CARS1: variants seen among roughly 807,000 people sequenced by gnomAD.
The protein encoded by CARS1 is cysteinyl-tRNA synthetase 1, also known as cysteine--tRNA ligase, cytoplasmic.
In CARS1, 48 loss-of-function variants were observed where a neutral mutation model predicts 106.2. The ratio of observed to expected loss-of-function variants is 0.45; its 90% CI spans 0.36 to 0.57. The LOEUF (loss-of-function observed/expected upper bound fraction) is 0.57. Ranked by LOEUF, CARS1 falls within the 20% of genes least tolerant of loss-of-function variation. The probability of loss-of-function intolerance (pLI) is 0.00; values close to 1 mark genes in which losing one functional copy is unlikely to be tolerated. For synonymous variants in CARS1, 409 were observed against 403.4 expected, an observed-to-expected ratio of 1.01 and a Z score of -0.17; for missense variants, 968 against 1,057.2, an observed-to-expected ratio of 0.92 and a Z score of 1.17.
intron 7 of CARS1, among the ~76,000 whole-genome samples, chr11:3,033,666 A>C (rs749949614): frequency 1.3e-5 from 2 of 152,242 alleles, no homozygotes; most frequent in Admixed American, 1.3e-4. Flanking sequence ...AAACAGAATA[A>C]ATCCAAAGGA....
chr11:3,018,741 A>C lies in CARS1; in HGVS notation c.1404T>G (p.Phe468Leu). Residue 468 changes from phenylalanine (F) to leucine (L), a missense_variant, in exon 13 of 23, where the codon TTT (phenylalanine) becomes TTG (leucine). Physicochemically the swap from Phe to Leu is conservative, Grantham distance 22. Transcript: ENST00000380525. ...AGTACCTGACCCAGCAGTCGTTTTC[A>C]AAGTAGGCCTGCGTGGAAAGAGACA... ...DNELAQSEAYFENDCWVRYFL... is the reference protein window; with the variant it reads ...DNELAQSEAYLENDCWVRYFL... 6.2e-7 allele frequency: 1 copy of C among 1,613,666 alleles called. No individual in the cohort carries two copies. Among genetic ancestry groups the C allele is most frequent in the Non-Finnish European group, 8.5e-7 (1 of 1,179,746 alleles).
At chr11:3,009,620 G>A (rs964359023) in intron 18 of CARS1, 1 of 152,332 alleles carries the variant, frequency 6.6e-6, no homozygotes, top group Admixed American at 6.5e-5. Context: ...CCAGTGCAGA[G>A]GGCCCTGGCC....
At position 3,028,661 on chromosome 11, in the gene CARS1, G is replaced by C; in HGVS notation, c.1031+335C>G. The C allele has an allele frequency of 2.7e-6, 1 of 364,392 alleles. No individual in the cohort carries two copies. The highest frequency in any genetic ancestry group is 4.9e-6 in the Non-Finnish European group (1 of 203,110). The allele number at this position is 364,392 out of a possible 1,614,324, so 22.6% of individuals were successfully genotyped here. A position where few individuals can be genotyped will look rare whatever the true frequency, so the allele number is the denominator to read the frequency against. On this transcript the variant is annotated intron_variant, in intron 9 of 22. Transcript: ENST00000380525. The surrounding 1 kb of genome is among the most constrained non-coding windows in gnomAD (Gnocchi z 4.4). ...ACACCAGGACTAGCACTCTCAAAATGTCTACGCAATGGCACTGATGTCTGT... is the reference window on the plus strand; with the variant it reads ...ACACCAGGACTAGCACTCTCAAAATCTCTACGCAATGGCACTGATGTCTGT...
intron 1 of CARS1, among the ~76,000 whole-genome samples, chr11:3,049,064 T>G (rs2134300017): frequency 6.6e-6 from 1 of 152,310 alleles, no homozygotes; most frequent in Non-Finnish European, 1.5e-5. Context: ...CTGCTCACCC[T>G]CCTTCTCCTC....
At chr11:3,027,292 G>A (rs1388376081) in intron 9 of CARS1, 3 of 154,762 alleles carry the variant, frequency 1.9e-5, no homozygotes, top group Admixed American at 6.4e-5. Flanking sequence ...GAGAAGCAGC[G>A]CTACTGCTTA....
chr11:3,042,011 T>A (rs917780451), intron 3 of CARS1, among the ~76,000 whole-genome samples, 154 bp downstream of exon 3: 1 of 151,960 alleles, frequency 6.6e-6, no homozygotes, highest in Admixed American at 6.6e-5. Context: ...GACTATAACA[T>A]GGAAGTGACT....
chr11:3,009,372 G>C (rs976141786), intron 18 of CARS1: 2 of 152,190 alleles, frequency 1.3e-5, no homozygotes, highest in Admixed American at 1.3e-4. Context: ...ACTCATGTAG[G>C]GTCCCTGGAG....
intron 1 of CARS1, among the ~76,000 whole-genome samples, chr11:3,051,462 G>T (rs542747753): frequency 1.3e-5 from 2 of 152,144 alleles, no homozygotes; most frequent in South Asian, 2.1e-4. Flanking sequence ...CAGGGAGGAC[G>T]GAGGCGGAGG....
chr11:3,054,155 A>G (rs1855960945), intron 1 of CARS1, among the ~76,000 whole-genome samples: 1 of 152,184 alleles, frequency 6.6e-6, no homozygotes, highest in African/African-American at 2.4e-5. Flanking sequence ...CCCACAGGTG[A>G]GGGCTTCCCC....
In CARS1 at chr11:3,022,926, C is replaced by A. The variant is rs1015056601; in HGVS notation, c.1154-2594G>T. ...AGCTAAGGCTACACTCCTTATGACT[C>A]CCCATGGTGGGGGGAGGTTGCGGGG... On this transcript the variant is annotated intron_variant, in intron 10 of 22. Transcript: ENST00000380525. The surrounding 1 kb of genome is among the most constrained non-coding windows in gnomAD (Gnocchi z 4.9). Among the ~76,000 whole-genome samples, 1 of 152,182 alleles carries A rather than the reference C, an allele frequency of 6.6e-6. No homozygotes were observed. The highest frequency in any genetic ancestry group is 2.4e-5 in the African/African-American group (1 of 41,454).
At chr11:3,002,774 G>A (rs1431285067) in intron 20 of CARS1, among the ~76,000 whole-genome samples, 174 bp from the exon 21 acceptor site, 2 of 152,132 alleles carry the variant, frequency 1.3e-5, no homozygotes, top group African/African-American at 2.4e-5. Flanking sequence ...GCAGCACACC[G>A]ACCCTCTTCC....
intron 1 of CARS1, among the ~76,000 whole-genome samples, chr11:3,055,901 G>A (rs534846266): frequency 6.6e-6 from 1 of 152,176 alleles, no homozygotes; most frequent in Non-Finnish European, 1.5e-5. Flanking sequence ...ATGGTTTGCT[G>A]TGGGGCGGGA....
chr11:3,010,632 A>G (rs1850359778), intron 18 of CARS1, among the ~76,000 whole-genome samples: 1 of 152,224 alleles, frequency 6.6e-6, no homozygotes, highest in African/African-American at 2.4e-5. Flanking sequence ...GCAGCCCAGC[A>G]GCCCGGCCAG....
At chr11:3,015,689 G>T in intron 17 of CARS1, 92 bp downstream of exon 17, 3 of 1,111,634 alleles carry the variant, frequency 2.7e-6, no homozygotes, top group Non-Finnish European at 4.1e-6. Context: ...GTGTGGGTGG[G>T]CAGACAGAGG....
rs1851274878 is a variant in CARS1 at position 3,018,617 on chromosome 11, T to C, written c.1525+3A>G. On this transcript the variant is annotated splice_donor_region_variant and intron_variant, in intron 13 of 22. Transcript: ENST00000380525. Reference sequence around the variant, plus strand: ...GGGGTCTGTGGGAGAAGCCAGTGTATACCTGAGTGCTTTTTCAAGGCATCT... The same window carrying C: ...GGGGTCTGTGGGAGAAGCCAGTGTACACCTGAGTGCTTTTTCAAGGCATCT... 1 of 1,614,218 alleles carries C rather than the reference T, an allele frequency of 6.2e-7. No individual in the cohort carries two copies. The highest frequency in any genetic ancestry group is 8.5e-7 in the Non-Finnish European group (1 of 1,180,038).
Position 3,020,712 on chromosome 11 carries a change from G to A in CARS1, c.1154-380C>T, listed in dbSNP as rs1358814639. Among the ~76,000 whole-genome samples, 1 of 152,162 alleles carries A rather than the reference G, an allele frequency of 6.6e-6. No homozygotes were observed. The highest frequency in any genetic ancestry group is 1.5e-5 in the Non-Finnish European group (1 of 68,030). ...GTGACATAGTGGTGCAGCCACTGGG[G>A]CATGGCTCAGGGATCCTGCCTGGTT... is the stretch of plus-strand genomic sequence containing the variant. On this transcript the variant is annotated intron_variant, in intron 10 of 22. Transcript: ENST00000380525. The surrounding 1 kb of genome is among the most constrained non-coding windows in gnomAD (Gnocchi z 4.6).
chr11:3,035,753 TG>T (rs1238132180), intron 7 of CARS1, among the ~76,000 whole-genome samples: 1 of 152,228 alleles, frequency 6.6e-6, no homozygotes, highest in Non-Finnish European at 1.5e-5. Context: ...CCCAAAGTGC[TG>T]GGATTACAAG....
chr11:3,005,107 CAAAA>C (rs71035465), intron 20 of CARS1, among the ~76,000 whole-genome samples: 35 of 90,692 alleles, frequency 3.9e-4, no homozygotes, highest in Non-Finnish European at 6.7e-4. Flanking sequence ...GACTCCGTCT[CAAAA>C]AAAAAAAAAA....
At chr11:3,006,414 C>A (rs1849871175) in intron 19 of CARS1, among the ~76,000 whole-genome samples, 1 of 152,232 alleles carries the variant, frequency 6.6e-6, no homozygotes, top group South Asian at 2.1e-4. Context: ...CCACTGTACT[C>A]CGGCCTGGGC....
Sources: gnomAD v4.1 joint callset for allele counts (sites outside exome capture counted in the v4.1 genomes callset) on GRCh38, gnomAD v4.1.1 for gene constraint, Gnocchi (gnomAD v3.1) non-coding constraint, MANE v1.5 for transcripts, NCBI Gene and HGNC (gene_info 2026-07-23, HGNC 2026-07-21) for gene names.